PHACTR1: variants seen among roughly 807,000 people sequenced by gnomAD.
PHACTR1 encodes phosphatase and actin regulator 1.
Under a neutral mutation model 69.2 loss-of-function variants are expected in PHACTR1, and 16 were observed. That is an observed-to-expected ratio of 0.23 (90% confidence interval 0.16 to 0.35). The LOEUF is 0.35. PHACTR1 is among the 10% of genes least tolerant of loss of function. The pLI is 1.00. For synonymous variants in PHACTR1, 312 were observed against 284.5 expected, an observed-to-expected ratio of 1.10 and a Z score of -0.97; for missense variants, 510 against 734.7, an observed-to-expected ratio of 0.69 and a Z score of 3.54.
intron 4 of PHACTR1, among the ~76,000 whole-genome samples, chr6:12,827,162 A>G (rs764223802): frequency 4.6e-5 from 7 of 152,222 alleles, no homozygotes; most frequent in Non-Finnish European, 1.0e-4. Context: ...TTTTCTCGAA[A>G]GGACTTTTTC....
intron 5 of PHACTR1, among the ~76,000 whole-genome samples, chr6:13,104,063 AAC>A (rs2127872247): frequency 6.6e-6 from 1 of 152,330 alleles, no homozygotes; most frequent in Admixed American, 6.5e-5. Flanking sequence ...CAGCCTGGGC[AAC>A]AGAGTTGAGA....
intron 7 of PHACTR1, among the ~76,000 whole-genome samples, chr6:13,183,439 G>A (rs1489372207): frequency 2.0e-5 from 3 of 151,072 alleles, no homozygotes; most frequent in Admixed American, 6.6e-5. Context: ...AGGCAGTCAC[G>A]TGGGAGGGTG....
intron 5 of PHACTR1, among the ~76,000 whole-genome samples, chr6:13,076,750 G>GA (rs1298757031): frequency 6.6e-6 from 1 of 152,060 alleles, no homozygotes; most frequent in East Asian, 1.9e-4. Flanking sequence ...TGGAAAGAGA[G>GA]AAGGGACATT....
At chr6:12,964,486 G>A (rs1009506413) in intron 4 of PHACTR1, among the ~76,000 whole-genome samples, 1 of 152,192 alleles carries the variant, frequency 6.6e-6, no homozygotes, top group Non-Finnish European at 1.5e-5. Context: ...AGCAAAGGAA[G>A]GAAAGTAAGT....
At chr6:12,889,873 C>T (rs1217139166) in intron 4 of PHACTR1, among the ~76,000 whole-genome samples, 2 of 143,212 alleles carry the variant, frequency 1.4e-5, no homozygotes, top group Non-Finnish European at 3.0e-5. Context: ...GGCTTGTAAA[C>T]ATGTAGTCCC....
intron 10 of PHACTR1, among the ~76,000 whole-genome samples, chr6:13,258,697 C>G (rs1038078755): frequency 6.6e-6 from 1 of 152,166 alleles, no homozygotes; most frequent in Non-Finnish European, 1.5e-5. Flanking sequence ...CTTGAAGACT[C>G]TGACAGAGGG....
intron 4 of PHACTR1, among the ~76,000 whole-genome samples, chr6:12,869,324 G>A (rs142497012): frequency 1.2e-3 from 181 of 152,230 alleles, no homozygotes; most frequent in Non-Finnish European, 2.0e-3. Flanking sequence ...ATCCAGTCCT[G>A]TCTCACACTC....
intron 4 of PHACTR1, among the ~76,000 whole-genome samples, chr6:12,752,162 G>C (rs930985149): frequency 3.3e-5 from 5 of 152,106 alleles, no homozygotes; most frequent in African/African-American, 1.2e-4. Flanking sequence ...GCTGGTTTCT[G>C]GTTGCTTCCC....
At chr6:12,982,205 C>A (rs1311020503) in intron 4 of PHACTR1, among the ~76,000 whole-genome samples, 1 of 152,204 alleles carries the variant, frequency 6.6e-6, no homozygotes, top group African/African-American at 2.4e-5. Flanking sequence ...CCCAAGTTAG[C>A]TGGCCCCTCC....
At chr6:12,784,162 C>T (rs570091424) in intron 4 of PHACTR1, among the ~76,000 whole-genome samples, 5 of 151,910 alleles carry the variant, frequency 3.3e-5, no homozygotes, top group Admixed American at 6.6e-5. Flanking sequence ...TACACATATA[C>T]TTGATGAATA....
intron 12 of PHACTR1, chr6:13,281,280 T>C: frequency 2.4e-6 from 1 of 418,696 alleles, no homozygotes; most frequent in Non-Finnish European, 4.0e-6. Context: ...TGGGCCGGGC[T>C]CGGTGGCTCA....
rs536269700 is a variant in PHACTR1 at position 12,790,395 on chromosome 6, C to T, written c.250+40605C>T. On this transcript the variant is annotated intron_variant, in intron 4 of 14. Coordinates refer to ENST00000332995, the MANE Select transcript of PHACTR1 (RefSeq NM_030948.6). ...ACTTTTGTTCCCTCTGCCTGGAATG[C>T]TCTTTTCCAGGTATCATGTAACTCA... Among the ~76,000 whole-genome samples, 13 of 152,294 alleles carry T rather than the reference C, an allele frequency of 8.5e-5. No homozygotes were observed. The East Asian group carries it at 2.1e-3, about 25-fold the overall frequency.
chr6:13,144,124 A>G (rs1822916936), intron 5 of PHACTR1, among the ~76,000 whole-genome samples: 1 of 152,216 alleles, frequency 6.6e-6, no homozygotes, highest in South Asian at 2.1e-4. Context: ...TTGTGAAATA[A>G]TGAAGGATAT....
chr6:12,759,122 C>CA (rs1229879368), intron 4 of PHACTR1, among the ~76,000 whole-genome samples: 2,425 of 49,790 alleles, frequency 0.049, 54 homozygotes, highest in Non-Finnish European at 0.057. Flanking sequence ...GACTCCACCT[C>CA]AAAAAAAAAA....
intron 4 of PHACTR1, among the ~76,000 whole-genome samples, chr6:12,994,319 A>AT (rs779556842): frequency 2.6e-5 from 4 of 152,126 alleles, no homozygotes; most frequent in East Asian, 3.9e-4. Context: ...AAGAGGTGGG[A>AT]TTTTTCCCCC....
At chr6:13,193,471 C>T (rs1763912595) in intron 7 of PHACTR1, among the ~76,000 whole-genome samples, 1 of 149,440 alleles carries the variant, frequency 6.7e-6, no homozygotes, top group Admixed American at 6.7e-5. Context: ...ACTGCATCCT[C>T]AAATTCCTGG....
At chr6:13,194,131 G>A (rs923366906) in intron 7 of PHACTR1, among the ~76,000 whole-genome samples, 48 of 152,262 alleles carry the variant, frequency 3.2e-4, no homozygotes, top group African/African-American at 1.1e-3. Flanking sequence ...TGGGCTGGGC[G>A]CGATGGCTCA....
At chr6:13,039,228 A>G (rs1035349724) in intron 4 of PHACTR1, among the ~76,000 whole-genome samples, 4 of 152,214 alleles carry the variant, frequency 2.6e-5, no homozygotes, top group African/African-American at 4.8e-5. Flanking sequence ...ATCAAATGAT[A>G]TAATAACTAG....
At chr6:12,783,227 T>C (rs1771057027) in intron 4 of PHACTR1, among the ~76,000 whole-genome samples, 3 of 152,208 alleles carry the variant, frequency 2.0e-5, no homozygotes, top group African/African-American at 7.2e-5. Context: ...CCCAGGTAGG[T>C]TGCACGAAAG....
Sources: gnomAD v4.1 joint callset for allele counts (sites outside exome capture counted in the v4.1 genomes callset) on GRCh38, gnomAD v4.1.1 for gene constraint, MANE v1.5 for transcripts, NCBI Gene and HGNC (gene_info 2026-07-23, HGNC 2026-07-21) for gene names.